The following SLC52A3 variants were observed in gnomAD, a reference collection of about 807,000 sequenced individuals.
SLC52A3 encodes the protein solute carrier family 52 member 3.
A neutral mutation model predicts 29.5 loss-of-function variants in SLC52A3; 20 were observed. The observed-to-expected ratio is 0.68, with a 90% CI of 0.48 to 0.99. SLC52A3 has a LOEUF of 0.99. SLC52A3 is among the 50% of genes least tolerant of loss of function. The pLI, the probability that SLC52A3 is intolerant of heterozygous loss-of-function variation, is 0.00. For missense variants in SLC52A3, 548 were observed against 612.9 expected, an observed-to-expected ratio of 0.89 and a Z score of 1.12; for synonymous variants, 301 against 271.0, an observed-to-expected ratio of 1.11 and a Z score of -1.09.
upstream of SLC52A3, among the ~76,000 whole-genome samples, chr20:776,920 A>AC (rs1242093408): frequency 1.4e-5 from 1 of 72,580 alleles, no homozygotes; most frequent in Non-Finnish European, 3.3e-5. Context: ...AGGTGGAGCC[A>AC]TGGGTGTCAA....
intron 1 of SLC52A3, among the ~76,000 whole-genome samples, chr20:774,399 C>T (rs1260372270): frequency 6.6e-6 from 1 of 152,014 alleles, no homozygotes; most frequent in Non-Finnish European, 1.5e-5. Flanking sequence ...CCTGGCCTCA[C>T]CCTCATGAGA....
At chr20:777,344 A>G (rs1162618944), upstream of SLC52A3, among the ~76,000 whole-genome samples, 2 of 152,166 alleles carry the variant, frequency 1.3e-5, no homozygotes, top group Non-Finnish European at 2.9e-5. Flanking sequence ...TGCAGGAGTA[A>G]TTGGGGAAGT....
chr20:773,147 G>T (rs1418170385), upstream of SLC52A3, among the ~76,000 whole-genome samples: 1 of 152,186 alleles, frequency 6.6e-6, no homozygotes, highest in Non-Finnish European at 1.5e-5. Context: ...GCTGGCTGTT[G>T]TGAGGAGAAA....
At chr20:769,558 T>C (rs981915869), upstream of SLC52A3, among the ~76,000 whole-genome samples, 2 of 151,402 alleles carry the variant, frequency 1.3e-5, no homozygotes, top group African/African-American at 2.4e-5. Flanking sequence ...TGAACCATCA[T>C]TATAAGATTA....
In SLC52A3 at chr20:761,149, GAGGGCGCTGCGGCTGAGGTCGCGC is replaced by G; in HGVS notation, c.1263_1286del (p.Arg422_Leu429del). On this transcript the variant is annotated inframe_deletion, in exon 5 of 5. Transcript: ENST00000645534. Reference sequence around the variant, plus strand: ...GCTGCACCGCCGCCCCGCACCACAAGAGGGCGCTGCGGCTGAGGTCGCGCAGGACCACGCCCAGCATCACCTTGA... The same window carrying G: ...GCTGCACCGCCGCCCCGCACCACAAGAGGACCACGCCCAGCATCACCTTGA... 6.3e-7 allele frequency: 1 copy of G among 1,587,768 alleles called. No individual in the cohort carries two copies. Among genetic ancestry groups the G allele is most frequent in the East Asian group, 2.3e-5 (1 of 43,170 alleles).
At chr20:773,093 T>C (rs1986897805), upstream of SLC52A3, among the ~76,000 whole-genome samples, 1 of 152,112 alleles carries the variant, frequency 6.6e-6, no homozygotes. Context: ...GCTCCGTGAG[T>C]GGGCAGAAGA....
chr20:779,515 C>T (rs146803334), upstream of SLC52A3, among the ~76,000 whole-genome samples: 449 of 152,174 alleles, frequency 3.0e-3, 4 homozygotes, highest in African/African-American at 0.01. Context: ...CCCAGCTACT[C>T]GGGAGGCTGA....
At chr20:769,773 T>G, upstream of SLC52A3, among the ~76,000 whole-genome samples, 1 of 152,052 alleles carries the variant, frequency 6.6e-6, no homozygotes, top group Non-Finnish European at 1.5e-5. Flanking sequence ...GGCGCACACC[T>G]GTAATCCCAG....
chr20:779,448 C>G (rs1599970886), upstream of SLC52A3, among the ~76,000 whole-genome samples: 1 of 152,232 alleles, frequency 6.6e-6, no homozygotes, highest in East Asian at 1.9e-4. Context: ...AAGATGAAAC[C>G]CTGTCTCTAC....
intron 1 of SLC52A3, among the ~76,000 whole-genome samples, chr20:766,939 A>C (rs1220089681): frequency 6.6e-6 from 1 of 152,234 alleles, no homozygotes; most frequent in Non-Finnish European, 1.5e-5. Flanking sequence ...CACAATAGGA[A>C]AACTACTCCA....
chr20:772,546 T>C (rs936071049), upstream of SLC52A3, among the ~76,000 whole-genome samples: 3 of 151,856 alleles, frequency 2.0e-5, no homozygotes, highest in Non-Finnish European at 4.4e-5. Flanking sequence ...GTGTTCGGAA[T>C]GTGTTGGGAT....
chr20:778,018 T>C (rs1040579565), upstream of SLC52A3, among the ~76,000 whole-genome samples: 12 of 151,906 alleles, frequency 7.9e-5, no homozygotes, highest in African/African-American at 2.7e-4. Context: ...ACTTTCTTTT[T>C]TTTTTTTTTT....
At chr20:770,116 G>A (rs1056198329), upstream of SLC52A3, among the ~76,000 whole-genome samples, 1 of 151,354 alleles carries the variant, frequency 6.6e-6, no homozygotes, top group African/African-American at 2.4e-5. The surrounding 1 kb of genome is among the most constrained non-coding windows in gnomAD (Gnocchi z 4.5). Flanking sequence ...TTATGTAAAC[G>A]TGCTATTTGA....
At chr20:777,245 A>AAAAC (rs777785589), upstream of SLC52A3, among the ~76,000 whole-genome samples, 22 of 126,174 alleles carry the variant, frequency 1.7e-4, no homozygotes, top group South Asian at 1.1e-3. Flanking sequence ...CAATAAAACA[A>AAAAC]AAACAAACAA....
chr20:765,210 G>A lies in SLC52A3; in HGVS notation c.565C>T (p.Gln189Ter). ...TGGCTCCGGGTGATGCTGGGTACCTGTGCGATGTCAGTCTCCCTCGTGGGT... is the reference window on the plus strand; with the variant it reads ...TGGCTCCGGGTGATGCTGGGTACCTATGCGATGTCAGTCTCCCTCGTGGGT... ...PVPTRETDIA[Q>*]GVPRALVSAL... The change falls in exon 2 of 5, where the codon CAG (glutamine) becomes TAG (stop). Residue 189 changes from glutamine to a stop codon, truncating the protein, a stop_gained and splice_region_variant. Coordinates refer to ENST00000645534, the MANE Select transcript of SLC52A3 (RefSeq NM_033409.4). LOFTEE classifies it high-confidence loss of function. This position sits in a 1 kb window ranked among gnomAD's most constrained non-coding sequence, Gnocchi z 6.6. 1 of 1,614,170 alleles carries A rather than the reference G, an allele frequency of 6.2e-7. No individual in the cohort carries two copies. Among genetic ancestry groups the A allele is most frequent in the Non-Finnish European group, 8.5e-7 (1 of 1,180,032 alleles).
Position 763,101 on chromosome 20 carries a change from A to G in SLC52A3, c.1073+397T>C, listed in dbSNP as rs187931401. Among the ~76,000 whole-genome samples, 106 of 152,334 alleles carry G rather than the reference A, an allele frequency of 7.0e-4. No individual in the cohort carries two copies. The East Asian group carries it at 0.019, about 27-fold the overall frequency. On this transcript the variant is annotated intron_variant, in intron 3 of 4. Coordinates refer to ENST00000645534, the MANE Select transcript of SLC52A3 (RefSeq NM_033409.4). Reference sequence around the variant, plus strand: ...TTAGACCAGGTCAAGCTCTTTCTCCAAGCCTCAGGGTTTCCCCTTATAAAC... The same window carrying G: ...TTAGACCAGGTCAAGCTCTTTCTCCGAGCCTCAGGGTTTCCCCTTATAAAC...
At chr20:770,640 T>C (rs139575127), upstream of SLC52A3, among the ~76,000 whole-genome samples, 22 of 152,350 alleles carry the variant, frequency 1.4e-4, no homozygotes, top group East Asian at 3.3e-3. This position sits in a 1 kb window ranked among gnomAD's most constrained non-coding sequence, Gnocchi z 4.5. Flanking sequence ...GGATTTGCTA[T>C]TTTCAGCGAT....
At chr20:769,920 G>T (rs1011792581), upstream of SLC52A3, among the ~76,000 whole-genome samples, 2 of 151,968 alleles carry the variant, frequency 1.3e-5, no homozygotes, top group Non-Finnish European at 2.9e-5. Flanking sequence ...TAAAAAAAAG[G>T]CGCAGTTTTT....
At chr20:774,844 C>G (rs1986963682) in intron 1 of SLC52A3, among the ~76,000 whole-genome samples, 1 of 152,210 alleles carries the variant, frequency 6.6e-6, no homozygotes, top group Non-Finnish European at 1.5e-5. Context: ...CGAACCCTGC[C>G]CCACCCCTGA....
Sources: allele counts gnomAD v4.1 joint callset (sites outside exome capture counted in the v4.1 genomes callset), GRCh38; gene constraint gnomAD v4.1.1; non-coding constraint Gnocchi (gnomAD v3.1); transcripts MANE v1.5; gene names NCBI Gene and HGNC (gene_info 2026-07-23, HGNC 2026-07-21).